The following PPP2R5D variants were observed in gnomAD, a reference collection of about 807,000 sequenced individuals.
PPP2R5D encodes the protein protein phosphatase 2 regulatory subunit B'delta, also known as serine/threonine-protein phosphatase 2A 56 kDa regulatory subunit delta isoform.
A neutral mutation model predicts 79.1 loss-of-function variants in PPP2R5D; 12 were observed. The observed-to-expected ratio is 0.15, with a 90% CI of 0.10 to 0.25. The LOEUF is 0.25. Ranked by LOEUF, PPP2R5D falls within the 10% of genes least tolerant of loss-of-function variation. PPP2R5D has a pLI of 1.00. For synonymous variants in PPP2R5D, 277 were observed against 286.6 expected, an observed-to-expected ratio of 0.97 and a Z score of 0.34; for missense variants, 419 against 760.2, an observed-to-expected ratio of 0.55 and a Z score of 5.28.
rs745641757 is a variant in PPP2R5D at position 43,008,466 on chromosome 6, C to T, written c.1017C>T (p.Tyr339=). ...ACAAGGTCAAGTCCCTGAGTGTCTA[C>T]CACCCTCAGGTGAGCTGCCTTCCTC... The part of the protein sequence containing the change: ...PLHKVKSLSV[Y]HPQLAYCVVQ... The change falls in exon 9 of 16, where the codon TAC becomes TAT. Residue 339 remains tyrosine, a synonymous_variant. Transcript: ENST00000485511. This position sits in a 1 kb window ranked among gnomAD's most constrained non-coding sequence, Gnocchi z 4.2. 1 of 1,609,206 alleles carries T rather than the reference C, an allele frequency of 6.2e-7. No individual in the cohort carries two copies. The highest frequency in any genetic ancestry group is 8.5e-7 in the Non-Finnish European group (1 of 1,175,502).
intron 2 of PPP2R5D, among the ~76,000 whole-genome samples, chr6:42,993,506 T>G (rs1771421297): frequency 6.6e-6 from 1 of 151,928 alleles, no homozygotes; most frequent in African/African-American, 2.4e-5. Flanking sequence ...AGAAATACAT[T>G]CTCTCTCAGC....
At position 42,989,604 on chromosome 6, in the gene PPP2R5D, C is replaced by G. The variant is rs1371018142; in HGVS notation, c.28-7C>G. On this transcript the variant is annotated splice_region_variant and splice_polypyrimidine_tract_variant and intron_variant, in intron 1 of 15. Coordinates refer to ENST00000485511, the MANE Select transcript of PPP2R5D (RefSeq NM_006245.4). The stretch of plus-strand genomic sequence containing the variant: ...CTGCTAACTTTACTTTCATCTTTTC[C>G]TTTCAGGAGCCCCCCAAGGTTGCCA... The G allele has an allele frequency of 6.2e-7, 1 of 1,611,260 alleles. No homozygotes were observed. Among genetic ancestry groups the G allele is most frequent in the African/African-American group, 1.3e-5 (1 of 74,980 alleles).
Position 43,010,860 on chromosome 6 carries a change from T to G in PPP2R5D, c.1555-21T>G. 1.2e-6 allele frequency: 2 copies of G among 1,608,518 alleles called. No individual in the cohort carries two copies. The highest frequency in any genetic ancestry group is 1.7e-6 in the Non-Finnish European group (2 of 1,175,542). ...AGCCTCTGAAGTGGCTCTTAACGCT[T>G]GTCCATGTCTCCTCACTCAGTATCC... On this transcript the variant is annotated intron_variant, in intron 14 of 15. Coordinates refer to ENST00000485511, the MANE Select transcript of PPP2R5D (RefSeq NM_006245.4). This position sits in a 1 kb window ranked among gnomAD's most constrained non-coding sequence, Gnocchi z 4.7.
chr6:43,000,236 C>CTGTTTTTTTTTTTTTTTTT, intron 2 of PPP2R5D, among the ~76,000 whole-genome samples: 1 of 106,022 alleles, frequency 9.4e-6, no homozygotes, highest in African/African-American at 4.9e-5. Context: ...GTCTGGCCAC[C>CTGTTTTTTTTTTTTTTTTT]TTTTTTTTTT....
intron 2 of PPP2R5D, among the ~76,000 whole-genome samples, chr6:42,999,234 G>T (rs543031235): frequency 9.9e-5 from 15 of 152,146 alleles, no homozygotes; most frequent in Non-Finnish European, 1.8e-4. Context: ...TAAGAGAAAT[G>T]GTTGAATGCC....
chr6:43,011,558 T>C lies in PPP2R5D; in HGVS notation c.*272T>C. On this transcript the variant is annotated 3_prime_UTR_variant, in exon 16 of 16. Transcript: ENST00000485511. ...CTGGGGATGCCTGTCCCCTACCTGC[T>C]CCTCACCCACAGCTACCTGAGGCTG... 1 of 511,474 alleles carries C rather than the reference T, an allele frequency of 2.0e-6. No homozygotes were observed. The highest frequency in any genetic ancestry group is 3.5e-6 in the Non-Finnish European group (1 of 283,418). 31.7% of individuals were successfully genotyped at this position (511,474 alleles called of 1,614,324 possible). A position where few individuals can be genotyped will look rare whatever the true frequency, so the allele number is the denominator to read the frequency against.
intron 2 of PPP2R5D, among the ~76,000 whole-genome samples, chr6:43,005,141 CTTT>C (rs762415952): frequency 8.3e-6 from 1 of 120,054 alleles, no homozygotes; most frequent in African/African-American, 3.1e-5. Context: ...GTGCACAAAG[CTTT>C]TTTTTTTTTT....
At chr6:42,991,651 T>C (rs531211142) in intron 2 of PPP2R5D, among the ~76,000 whole-genome samples, 16 of 152,276 alleles carry the variant, frequency 1.1e-4, no homozygotes, top group Non-Finnish European at 1.8e-4. Context: ...AGCATTTGAA[T>C]GTATTAGTGA....
chr6:43,007,943 C>G lies in PPP2R5D; in HGVS notation c.735C>G (p.Asp245Glu). Residue 245 changes from aspartate (D) to glutamate (E), a missense_variant, in exon 7 of 16, where the codon GAC becomes GAG. Transcript: ENST00000485511. The surrounding 1 kb of genome is among the most constrained non-coding windows in gnomAD (Gnocchi z 4.5). ...CTCCCTTGTACCCCCAGCTCCTAGA[C>G]CTATTTGACAGTGAGGATCCTCGAG... The part of the protein sequence containing the change: ...IDQKFVLALL[D>E]LFDSEDPRER... 6.2e-7 allele frequency: 1 copy of G among 1,614,206 alleles called. No individual in the cohort carries two copies. The highest frequency in any genetic ancestry group is 2.2e-5 in the East Asian group (1 of 44,892).
rs1762182595 is a variant in PPP2R5D, at chr6:43,008,029, C to T, written c.821C>T (p.Ala274Val). 6.2e-7 allele frequency: 1 copy of T among 1,614,210 alleles called. No individual in the cohort carries two copies. Among genetic ancestry groups the T allele is most frequent in the Non-Finnish European group, 8.5e-7 (1 of 1,180,046 alleles). Residue 274 changes from alanine to valine, a missense_variant, in exon 7 of 16, where the codon GCT becomes GTT. Ala to Val is a moderately conservative substitution (Grantham distance 64). Coordinates refer to ENST00000485511, the MANE Select transcript of PPP2R5D (RefSeq NM_006245.4). The surrounding 1 kb of genome is among the most constrained non-coding windows in gnomAD (Gnocchi z 4.2). ...TATGGCAAGTTTTTGGGGCTCCGGGCTTATATCCGTAGGCAGATCAACCAC... is the reference window on the plus strand; with the variant it reads ...TATGGCAAGTTTTTGGGGCTCCGGGTTTATATCCGTAGGCAGATCAACCAC... ...RIYGKFLGLR[A>V]YIRRQINHIF...
At chr6:42,984,817 C>G in intron 1 of PPP2R5D, 113 bp downstream of exon 1, 1 of 1,498,494 alleles carries the variant, frequency 6.7e-7, no homozygotes, top group Non-Finnish European at 8.9e-7. Flanking sequence ...CCAGCCCCCG[C>G]AGGACTCCTG....
chr6:43,010,790 G>T lies in PPP2R5D; in HGVS notation c.1554+54G>T. On this transcript the variant is annotated intron_variant, in intron 14 of 15. Transcript: ENST00000485511. This position sits in a 1 kb window ranked among gnomAD's most constrained non-coding sequence, Gnocchi z 4.7. Reference sequence around the variant, plus strand: ...TGAGGGGCCAGCCCATCTTGAGCTGGGGGAGAGTTTGTTGGGGGAGGAATA... The same window carrying T: ...TGAGGGGCCAGCCCATCTTGAGCTGTGGGAGAGTTTGTTGGGGGAGGAATA... 2 of 1,608,508 alleles carry T rather than the reference G, an allele frequency of 1.2e-6. No individual in the cohort carries two copies. The highest frequency in any genetic ancestry group is 1.7e-6 in the Non-Finnish European group (2 of 1,175,022).
Position 43,008,552 on chromosome 6 carries a change from A to T in PPP2R5D, c.1026+77A>T, listed in dbSNP as rs920238662. On this transcript the variant is annotated intron_variant, in intron 9 of 15. Coordinates refer to ENST00000485511, the MANE Select transcript of PPP2R5D (RefSeq NM_006245.4). This position sits in a 1 kb window ranked among gnomAD's most constrained non-coding sequence, Gnocchi z 4.2. The stretch of plus-strand genomic sequence containing the variant: ...CCGGCAGGAAAGTGTTCCAGCTGGG[A>T]TAGGGGAAGCATAGGGAGCAGGTGG... 9.3e-6 allele frequency: 14 copies of T among 1,499,318 alleles called. No homozygotes were observed. The highest frequency in any genetic ancestry group is 1.3e-5 in the Non-Finnish European group (14 of 1,077,388). 92.9% of individuals were successfully genotyped at this position (1,499,318 alleles called of 1,614,324 possible).
chr6:43,007,035 C>G lies in PPP2R5D; in HGVS notation c.447C>G (p.Leu149=). The G allele has an allele frequency of 6.2e-7, 1 of 1,614,120 alleles. No individual in the cohort carries two copies. Residue 149 remains leucine, a synonymous_variant, in exon 4 of 16, where the codon CTC becomes CTG. Transcript: ENST00000485511. The surrounding 1 kb of genome is among the most constrained non-coding windows in gnomAD (Gnocchi z 4.5). The part of the protein sequence containing the change: ...LKFKEVKRAG[L]NEMVEYITHS... ...TCAAGGAGGTGAAGCGGGCAGGACT[C>G]AACGAGATGGTGGAGTACATCACCC... is the stretch of plus-strand genomic sequence containing the variant.
chr6:42,984,713 G>A lies in PPP2R5D; in HGVS notation c.27+9G>A, dbSNP rs991216489. 1 of 1,612,292 alleles carries A rather than the reference G, an allele frequency of 6.2e-7. No individual in the cohort carries two copies. Among genetic ancestry groups the A allele is most frequent in the African/African-American group, 1.3e-5 (1 of 74,886 alleles). On this transcript the variant is annotated intron_variant, in intron 1 of 15. Transcript: ENST00000485511. ...AACTGAAAAAGGAGAAGGTGAGCGTGGCCCTTTTTCCCCCACCGCCGCCTT... is the reference window on the plus strand; with the variant it reads ...AACTGAAAAAGGAGAAGGTGAGCGTAGCCCTTTTTCCCCCACCGCCGCCTT...
chr6:43,011,444 C>G lies in PPP2R5D; in HGVS notation c.*158C>G, dbSNP rs1286842369. Reference sequence around the variant, plus strand: ...TGGGCACTTGAAGCAGGGACACCCACAGAATGGTCCCTCTTCTCCCCAAAA... The same window carrying G: ...TGGGCACTTGAAGCAGGGACACCCAGAGAATGGTCCCTCTTCTCCCCAAAA... On this transcript the variant is annotated 3_prime_UTR_variant, in exon 16 of 16. Coordinates refer to ENST00000485511, the MANE Select transcript of PPP2R5D (RefSeq NM_006245.4). 4.1e-6 allele frequency: 4 copies of G among 974,368 alleles called. No individual in the cohort carries two copies. The highest frequency in any genetic ancestry group is 1.5e-6 in the Non-Finnish European group (1 of 670,846). 60.4% of individuals were successfully genotyped at this position (974,368 alleles called of 1,614,324 possible). A position where few individuals can be genotyped will look rare whatever the true frequency, so the allele number is the denominator to read the frequency against.
Position 43,010,215 on chromosome 6 carries a change from T to C in PPP2R5D, c.1380-253T>C, listed in dbSNP as rs1762285158. 6.6e-6 allele frequency among the ~76,000 whole-genome samples: 1 copy of C among 151,888 alleles called. No homozygotes were observed. The highest frequency in any genetic ancestry group is 2.4e-5 in the African/African-American group (1 of 41,330). On this transcript the variant is annotated intron_variant, in intron 12 of 15. Transcript: ENST00000485511. This position sits in a 1 kb window ranked among gnomAD's most constrained non-coding sequence, Gnocchi z 4.7. ...GGTTAGAGTGGGAAAGGATGGGAGG[T>C]AGGCAGGCCTTGGAGCATGGGGTGA...
chr6:42,984,917 C>G (rs1770717972), intron 1 of PPP2R5D, among the ~76,000 whole-genome samples: 1 of 151,378 alleles, frequency 6.6e-6, no homozygotes, highest in African/African-American at 2.4e-5. Context: ...AGAGACTCCC[C>G]CCACATACAC....
chr6:42,985,420 C>T (rs1770766898), intron 1 of PPP2R5D, among the ~76,000 whole-genome samples: 1 of 152,204 alleles, frequency 6.6e-6, no homozygotes. Context: ...GGGCAAGGGA[C>T]TTGTCCAAGG....
Sources: allele counts gnomAD v4.1 joint callset (sites outside exome capture counted in the v4.1 genomes callset), GRCh38; gene constraint gnomAD v4.1.1; non-coding constraint Gnocchi (gnomAD v3.1); transcripts MANE v1.5; gene names NCBI Gene and HGNC (gene_info 2026-07-23, HGNC 2026-07-21).